Variants in PALS2 observed in about 807,000 individuals in gnomAD.
PALS2 encodes the protein protein PALS2.
Under a neutral mutation model 61.6 loss-of-function variants are expected in PALS2, and 27 were observed. The observed-to-expected ratio is 0.44, with a 90% confidence interval of 0.32 to 0.60. The LOEUF (loss-of-function observed/expected upper bound fraction) is 0.60. PALS2 is among the 20% of genes least tolerant of loss of function. The pLI, the probability that PALS2 is intolerant of heterozygous loss-of-function variation, is 0.05. For missense variants in PALS2, 554 were observed against 639.4 expected (o/e 0.87, Z 1.44); for synonymous variants, 236 against 218.6 (o/e 1.08, Z -0.70).
At chr7:24,610,151 A>G (rs902226659) in intron 1 of PALS2, among the ~76,000 whole-genome samples, 1 of 152,130 alleles carries the variant, frequency 6.6e-6, no homozygotes, top group African/African-American at 2.4e-5. Context: ...GGAGTTTTCC[A>G]TGTATTATTT....
intron 2 of PALS2, among the ~76,000 whole-genome samples, chr7:24,640,580 G>A (rs540253627): frequency 5.9e-5 from 9 of 152,178 alleles, no homozygotes; most frequent in African/African-American, 2.2e-4. Flanking sequence ...TGATAATTAC[G>A]CTTTTCCTGT....
chr7:24,671,112 A>C (rs546620687), intron 9 of PALS2, among the ~76,000 whole-genome samples: 1 of 152,264 alleles, frequency 6.6e-6, no homozygotes, highest in African/African-American at 2.4e-5. Flanking sequence ...ACTGTTTTCC[A>C]CAGCAGCTGT....
chr7:24,645,314 G>A (rs957549527), intron 3 of PALS2, among the ~76,000 whole-genome samples: 1 of 152,038 alleles, frequency 6.6e-6, no homozygotes, highest in Admixed American at 6.5e-5. Context: ...AGAAGGGGCT[G>A]AGCTTCAATC....
chr7:24,663,578 T>A lies in PALS2; in HGVS notation c.652-12T>A. 1 of 1,573,562 alleles carries A rather than the reference T, an allele frequency of 6.4e-7. No homozygotes were observed. Among genetic ancestry groups the A allele is most frequent in the African/African-American group, 1.4e-5 (1 of 72,870 alleles). On this transcript the variant is annotated splice_polypyrimidine_tract_variant and intron_variant, in intron 5 of 11. Transcript: ENST00000222644. ...ACAACTATAGTATTTTTAATTGTGCTATGTGTTTTAGGTATTTGTGAAGTG... is the reference window on the plus strand; with the variant it reads ...ACAACTATAGTATTTTTAATTGTGCAATGTGTTTTAGGTATTTGTGAAGTG...
In PALS2 at chr7:24,691,405, G is replaced by GTGTGTGTGTGTGTGTGTATATATA. The variant is rs1274329385; in HGVS notation, c.*3792_*3793insGTGTGTGTGTGTGTGTATATATAT. The GTGTGTGTGTGTGTGTGTATATATA allele has an allele frequency of 3.6e-5, 4 of 110,596 alleles. No individual in the cohort carries two copies. Among genetic ancestry groups the GTGTGTGTGTGTGTGTGTATATATA allele is most frequent in the African/African-American group, 1.2e-4 (4 of 32,382 alleles). The allele number at this position is 110,596 out of a possible 1,614,324, so 6.9% of individuals were successfully genotyped here. ...ATATTATGTATGTGTGTGTGTGTGT[G>GTGTGTGTGTGTGTGTGTATATATA]TATATATATATATATATATATATAT... On this transcript the variant is annotated 3_prime_UTR_variant, in exon 12 of 12. Transcript: ENST00000222644.
At chr7:24,627,125 T>C (rs1047148690) in intron 2 of PALS2, among the ~76,000 whole-genome samples, 1 of 151,922 alleles carries the variant, frequency 6.6e-6, no homozygotes, top group African/African-American at 2.4e-5. Flanking sequence ...TGGAAGTCAG[T>C]CCTCAGCAAA....
At chr7:24,577,507 TG>T (rs1055975355) in intron 1 of PALS2, among the ~76,000 whole-genome samples, 51 of 152,278 alleles carry the variant, frequency 3.3e-4, no homozygotes, top group African/African-American at 1.2e-3. Context: ...GTTTTGTACA[TG>T]ATTTAATCCC....
chr7:24,633,545 C>G lies in PALS2; in HGVS notation c.118-8171C>G, dbSNP rs956386506. ...ATATAATATACCTAGACTTAGAATT[C>G]GGGGTTTTTAATCCTGCACAGTGTT... On this transcript the variant is annotated intron_variant, in intron 2 of 11. Coordinates refer to ENST00000222644, the MANE Select transcript of PALS2 (RefSeq NM_001303037.2). Among the ~76,000 whole-genome samples the G allele has an allele frequency of 9.8e-5, 14 of 142,342 alleles. No individual in the cohort carries two copies. In the Admixed American group the frequency reaches 1.1e-3, roughly 11 times the overall value. The allele number at this position is 142,342 out of a possible 152,430, so 93.4% of individuals were successfully genotyped here.
At chr7:24,679,044 A>G in intron 9 of PALS2, 87 bp from the exon 10 acceptor site, 5 of 1,217,218 alleles carry the variant, frequency 4.1e-6, no homozygotes, top group Non-Finnish European at 5.9e-6. Flanking sequence ...ACCCAGTGGA[A>G]AAACGTTAAG....
At chr7:24,607,514 T>C (rs562136128) in intron 1 of PALS2, among the ~76,000 whole-genome samples, 27 of 151,822 alleles carry the variant, frequency 1.8e-4, no homozygotes, top group Non-Finnish European at 3.2e-4. Flanking sequence ...TGTATATATA[T>C]GTGTATATAT....
intron 1 of PALS2, among the ~76,000 whole-genome samples, chr7:24,580,766 T>C (rs1337625909): frequency 6.6e-6 from 1 of 152,248 alleles, no homozygotes; most frequent in Non-Finnish European, 1.5e-5. Flanking sequence ...CTAGTTGAGC[T>C]TCCTTGTTTT....
intron 2 of PALS2, among the ~76,000 whole-genome samples, chr7:24,640,727 G>A (rs1020276580): frequency 3.3e-5 from 5 of 152,132 alleles, no homozygotes; most frequent in Admixed American, 2.0e-4. Context: ...AATTACTTTC[G>A]GCCGAGGGCG....
intron 5 of PALS2, among the ~76,000 whole-genome samples, chr7:24,658,120 T>G (rs1399990165): frequency 6.6e-6 from 1 of 152,190 alleles, no homozygotes; most frequent in African/African-American, 2.4e-5. Flanking sequence ...TCAGCCTTTT[T>G]TCTCTGTATT....
intron 2 of PALS2, among the ~76,000 whole-genome samples, chr7:24,633,706 T>A (rs1785110788): frequency 6.6e-6 from 1 of 152,144 alleles, no homozygotes; most frequent in African/African-American, 2.4e-5. Flanking sequence ...ATTGCTGCCA[T>A]AAACATTCTT....
chr7:24,614,158 T>A (rs566660012), intron 1 of PALS2, among the ~76,000 whole-genome samples: 78 of 151,960 alleles, frequency 5.1e-4, no homozygotes, highest in Non-Finnish European at 9.0e-4. Context: ...TTTTAAGGAA[T>A]CTCCCTACTG....
At chr7:24,631,043 T>C (rs778191509) in intron 2 of PALS2, among the ~76,000 whole-genome samples, 2 of 152,216 alleles carry the variant, frequency 1.3e-5, no homozygotes, top group African/African-American at 2.4e-5. Flanking sequence ...TTTCAAGTCT[T>C]AGTTAAATAC....
At chr7:24,655,188 T>C (rs1786351901) in intron 5 of PALS2, among the ~76,000 whole-genome samples, 1 of 152,208 alleles carries the variant, frequency 6.6e-6, no homozygotes, top group South Asian at 2.1e-4. Flanking sequence ...CTCTTAGAGT[T>C]AAATATTCAC....
At chr7:24,633,919 A>C (rs918351494) in intron 2 of PALS2, among the ~76,000 whole-genome samples, 1 of 152,062 alleles carries the variant, frequency 6.6e-6, no homozygotes, top group Admixed American at 6.6e-5. Flanking sequence ...TAACTGTCCT[A>C]GTGGGTGTGA....
At chr7:24,579,386 T>G (rs1161026879) in intron 1 of PALS2, among the ~76,000 whole-genome samples, 1 of 152,204 alleles carries the variant, frequency 6.6e-6, no homozygotes, top group Non-Finnish European at 1.5e-5. Context: ...GCTGGAAATA[T>G]GCCTTAATTG....
Sources: gnomAD v4.1 joint callset for allele counts (sites outside exome capture counted in the v4.1 genomes callset) on GRCh38, gnomAD v4.1.1 for gene constraint, MANE v1.5 for transcripts, NCBI Gene and HGNC (gene_info 2026-07-23, HGNC 2026-07-21) for gene names.